Variants in ZNF148 observed in about 807,000 individuals in gnomAD.
The protein encoded by ZNF148 is Beta-Enolase Repressor Factor-1.
In ZNF148, 7 loss-of-function variants were observed where a neutral mutation model predicts 67.7. That is an observed-to-expected ratio of 0.10 (90% CI 0.06 to 0.19). The LOEUF (loss-of-function observed/expected upper bound fraction) is 0.19. Among genes scored for constraint, ZNF148 ranks in the 10% least tolerant of loss-of-function variants. The probability of loss-of-function intolerance (pLI) is 1.00; values close to 1 mark genes in which losing one functional copy is unlikely to be tolerated. For synonymous variants in ZNF148, 333 were observed against 330.7 expected, an observed-to-expected ratio of 1.01 and a Z score of -0.08; for missense variants, 583 against 947.1, an observed-to-expected ratio of 0.62 and a Z score of 5.05.
At chr3:125,322,440 C>T (rs1056491051) in intron 3 of ZNF148, among the ~76,000 whole-genome samples, 2 of 151,988 alleles carry the variant, frequency 1.3e-5, no homozygotes, top group Non-Finnish European at 2.9e-5. Context: ...ATATGGCTGC[C>T]TAGGTCAGAG....
chr3:125,291,073 TAC>T (rs1348463123), intron 4 of ZNF148, among the ~76,000 whole-genome samples: 13 of 152,246 alleles, frequency 8.5e-5, no homozygotes, highest in African/African-American at 2.9e-4. Flanking sequence ...AATGTTTCAC[TAC>T]AGTTGCAAAT....
intron 1 of ZNF148, 147 bp from the exon 2 acceptor site, chr3:125,331,385 T>C (rs146059004): frequency 1.8e-5 from 7 of 394,160 alleles, no homozygotes; most frequent in Admixed American, 4.4e-5. Context: ...TAAATAAAAT[T>C]AGTAACAACT....
chr3:125,350,263 T>C (rs1362382679), intron 1 of ZNF148, among the ~76,000 whole-genome samples: 1 of 152,118 alleles, frequency 6.6e-6, no homozygotes, highest in Non-Finnish European at 1.5e-5. Context: ...TGGGTTCAAG[T>C]GATTCTCCCA....
chr3:125,288,121 T>C lies in ZNF148; in HGVS notation c.441A>G (p.Lys147=), dbSNP rs1017114114. 11 of 1,613,920 alleles carry C rather than the reference T, an allele frequency of 6.8e-6. No individual in the cohort carries two copies. Among genetic ancestry groups the C allele is most frequent in the South Asian group, 1.1e-5 (1 of 91,084 alleles). The part of the protein sequence containing the change: ...PVDLQKKKKR[K]QRSPAKILTI... Reference sequence around the variant, plus strand: ...GTCTTACTTTTGCGGGAGAACGTTGTTTCCGCTTCTTCTTTTTCTGTAAGT... The same window carrying C: ...GTCTTACTTTTGCGGGAGAACGTTGCTTCCGCTTCTTCTTTTTCTGTAAGT... Residue 147 remains lysine (K), a synonymous_variant, in exon 5 of 9, where the codon AAA becomes AAG. Coordinates refer to ENST00000360647, the MANE Select transcript of ZNF148 (RefSeq NM_021964.3).
chr3:125,327,608 C>T (rs971535301), intron 2 of ZNF148, among the ~76,000 whole-genome samples: 1 of 152,108 alleles, frequency 6.6e-6, no homozygotes, highest in Non-Finnish European at 1.5e-5. Context: ...ATTGCTTAAG[C>T]CCTGGAGTTC....
chr3:125,356,711 T>G (rs187014403), intron 1 of ZNF148, among the ~76,000 whole-genome samples: 1 of 152,342 alleles, frequency 6.6e-6, no homozygotes, highest in African/African-American at 2.4e-5. Flanking sequence ...CTGTTTTAAA[T>G]GCAAGCTGTT....
intron 1 of ZNF148, among the ~76,000 whole-genome samples, chr3:125,345,915 AG>A (rs1941924226): frequency 6.6e-6 from 1 of 152,230 alleles, no homozygotes; most frequent in Non-Finnish European, 1.5e-5. Context: ...CATTTAATGA[AG>A]AATTAATACC....
intron 1 of ZNF148, among the ~76,000 whole-genome samples, chr3:125,363,807 G>A (rs1440503065): frequency 2.6e-5 from 4 of 151,834 alleles, no homozygotes; most frequent in African/African-American, 7.3e-5. Context: ...GTGCCACCAT[G>A]CCCCGCTAAT....
At chr3:125,259,317 T>G (rs1303214765) in intron 7 of ZNF148, among the ~76,000 whole-genome samples, 1 of 152,220 alleles carries the variant, frequency 6.6e-6, no homozygotes, top group Admixed American at 6.5e-5. Flanking sequence ...TAGTACACAC[T>G]TATTAGAATG....
intron 7 of ZNF148, among the ~76,000 whole-genome samples, chr3:125,243,647 C>T (rs1471848234): frequency 6.6e-6 from 1 of 152,050 alleles, no homozygotes; most frequent in African/African-American, 2.4e-5. Context: ...TTCAGCCTCC[C>T]AAGTAGCCAG....
chr3:125,252,265 A>T (rs6438886), intron 7 of ZNF148, among the ~76,000 whole-genome samples: 118,158 of 152,008 alleles, frequency 0.78, 46,522 homozygotes, highest in African/African-American at 0.87. Context: ...TTTTCCATTA[A>T]GATTAGTACT....
At chr3:125,353,195 T>C (rs1942216892) in intron 1 of ZNF148, among the ~76,000 whole-genome samples, 2 of 152,138 alleles carry the variant, frequency 1.3e-5, no homozygotes, top group African/African-American at 4.8e-5. Flanking sequence ...TATGTATGTA[T>C]ACAAAGTATA....
chr3:125,353,850 G>A (rs892131461), intron 1 of ZNF148, among the ~76,000 whole-genome samples: 2 of 152,208 alleles, frequency 1.3e-5, no homozygotes, highest in African/African-American at 4.8e-5. Flanking sequence ...AAAGCGGGAA[G>A]ATCACGTGAG....
At chr3:125,311,525 T>A (rs1407992271) in intron 4 of ZNF148, among the ~76,000 whole-genome samples, 1 of 152,156 alleles carries the variant, frequency 6.6e-6, no homozygotes, top group Admixed American at 6.5e-5. Flanking sequence ...ACACAGAAAT[T>A]TTTTCTGCTG....
At position 125,227,055 on chromosome 3, in the gene ZNF148, A is replaced by ACAACCTGC. The variant is rs1935670215; in HGVS notation, c.*5278_*5285dup. 1 of 152,114 alleles carries ACAACCTGC rather than the reference A, an allele frequency of 6.6e-6. No homozygotes were observed. The highest frequency in any genetic ancestry group is 1.5e-5 in the Non-Finnish European group (1 of 68,004). The allele number at this position is 152,114 out of a possible 1,614,324, so 9.4% of individuals were successfully genotyped here. On this transcript the variant is annotated 3_prime_UTR_variant, in exon 9 of 9. Transcript: ENST00000360647. ...AATGATTTCTTAGGGAGTTGAAGAA[A>ACAACCTGC]CAACCTGCTGCAACCTTCCCAAGAC...
intron 4 of ZNF148, among the ~76,000 whole-genome samples, chr3:125,298,779 C>T (rs1939427148): frequency 6.6e-6 from 1 of 151,912 alleles, no homozygotes; most frequent in Non-Finnish European, 1.5e-5. Flanking sequence ...CGCGTGCCAC[C>T]ATGCCCAGCT....
At chr3:125,367,776 T>C (rs1293188483) in intron 1 of ZNF148, among the ~76,000 whole-genome samples, 5 of 152,208 alleles carry the variant, frequency 3.3e-5, no homozygotes, top group African/African-American at 1.2e-4. Context: ...AGTTGACTCA[T>C]GCTCTTCTCT....
At chr3:125,238,039 G>A (rs1410027996) in intron 7 of ZNF148, among the ~76,000 whole-genome samples, 1 of 152,080 alleles carries the variant, frequency 6.6e-6, no homozygotes, top group Non-Finnish European at 1.5e-5. Flanking sequence ...GGAAAGAATA[G>A]TCTTTTCAAC....
At chr3:125,271,219 T>C (rs558257900) in intron 7 of ZNF148, among the ~76,000 whole-genome samples, 1 of 152,332 alleles carries the variant, frequency 6.6e-6, no homozygotes, top group South Asian at 2.1e-4. Flanking sequence ...GCATCAAGGC[T>C]AGACAATGCA....
Sources: gnomAD v4.1 joint callset for allele counts (sites outside exome capture counted in the v4.1 genomes callset) on GRCh38, gnomAD v4.1.1 for gene constraint, MANE v1.5 for transcripts, NCBI Gene and HGNC (gene_info 2026-07-23, HGNC 2026-07-21) for gene names.